Variants in ARNT2 observed in about 807,000 individuals in gnomAD.
ARNT2 encodes the protein aryl hydrocarbon receptor nuclear translocator 2.
ARNT2 carries 36 observed loss-of-function variants against 91.7 expected under a neutral mutation model. The observed-to-expected ratio is 0.39, with a 90% CI of 0.30 to 0.52. ARNT2 has a LOEUF of 0.52. Ranked by LOEUF, ARNT2 falls within the 20% of genes least tolerant of loss-of-function variation. ARNT2 has a pLI of 0.72. For synonymous variants in ARNT2, 365 were observed against 347.1 expected, an observed-to-expected ratio of 1.05 and a Z score of -0.57; for missense variants, 775 against 939.3, an observed-to-expected ratio of 0.83 and a Z score of 2.29.
At chr15:80,422,845 A>G (rs1255843529) in intron 1 of ARNT2, among the ~76,000 whole-genome samples, 2 of 152,232 alleles carry the variant, frequency 1.3e-5, no homozygotes, top group African/African-American at 4.8e-5. Context: ...TTGTATTTAT[A>G]TATGTAAGGA....
In ARNT2 at chr15:80,470,285, G is replaced by A. The variant is rs1188383521; in HGVS notation, c.262G>A (p.Asp88Asn). ...GACTCAGTACATCACGGAGCTCTCC[G>A]ACATGGTCCCCACATGCAGCGCACT... ...KMTQYITELS[D>N]MVPTCSALAR... The change falls in exon 4 of 19, where the codon GAC (aspartate) becomes AAC (asparagine). Residue 88 changes from aspartate to asparagine, a missense_variant. By Grantham distance (23) the Asp-to-Asn change is conservative (BLOSUM62 1). Transcript: ENST00000303329. 8 of 1,614,052 alleles carry A rather than the reference G, an allele frequency of 5.0e-6. No individual in the cohort carries two copies. Among genetic ancestry groups the A allele is most frequent in the Admixed American group, 1.7e-5 (1 of 60,006 alleles).
chr15:80,552,258 A>T (rs1364015229), intron 9 of ARNT2, among the ~76,000 whole-genome samples: 1 of 152,218 alleles, frequency 6.6e-6, no homozygotes, highest in African/African-American at 2.4e-5. Flanking sequence ...CTAGTTCCTT[A>T]GGCTCGTTTG....
At chr15:80,421,487 C>G (rs1212105040) in intron 1 of ARNT2, among the ~76,000 whole-genome samples, 3 of 151,938 alleles carry the variant, frequency 2.0e-5, no homozygotes, top group Non-Finnish European at 4.4e-5. Context: ...ATATTAAAAT[C>G]AATAAAAATA....
intron 8 of ARNT2, among the ~76,000 whole-genome samples, chr15:80,518,050 T>C (rs1455469577): frequency 6.6e-6 from 1 of 152,134 alleles, no homozygotes; most frequent in Non-Finnish European, 1.5e-5. Context: ...CTTGTTAGTA[T>C]GCCTTGTAAT....
At chr15:80,450,424 G>A (rs978792432) in intron 1 of ARNT2, among the ~76,000 whole-genome samples, 3 of 152,122 alleles carry the variant, frequency 2.0e-5, no homozygotes, top group African/African-American at 7.2e-5. Context: ...GCTTGAACAC[G>A]AACCTAGGGC....
At chr15:80,572,642 C>T (rs1567005430) in intron 12 of ARNT2, among the ~76,000 whole-genome samples, 1 of 152,130 alleles carries the variant, frequency 6.6e-6, no homozygotes, top group Non-Finnish European at 1.5e-5. Flanking sequence ...AGTGGGACCA[C>T]GAACGTGTCA....
rs1893278206 is a variant in ARNT2 at position 80,591,448 on chromosome 15, CA to C, written c.1919-119del. The C allele has an allele frequency of 2.3e-6, 3 of 1,287,112 alleles. No individual in the cohort carries two copies. Among genetic ancestry groups the C allele is most frequent in the Non-Finnish European group, 3.3e-6 (3 of 908,090 alleles). The allele number at this position is 1,287,112 out of a possible 1,614,324, so 79.7% of individuals were successfully genotyped here. On this transcript the variant is annotated intron_variant, in intron 17 of 18. Transcript: ENST00000303329. The surrounding 1 kb of genome is among the most constrained non-coding windows in gnomAD (Gnocchi z 5.1). ...GACGAGGATAGCAAACACATTCCGC[CA>C]GCTCTGGATGGAACGTGCCTTTCAG...
At chr15:80,437,264 C>T (rs898093216) in intron 1 of ARNT2, among the ~76,000 whole-genome samples, 4 of 152,130 alleles carry the variant, frequency 2.6e-5, no homozygotes, top group African/African-American at 9.7e-5. Context: ...TTACCTCTTG[C>T]CCCGACTTCA....
At chr15:80,493,473 C>T (rs1262224327) in intron 5 of ARNT2, among the ~76,000 whole-genome samples, 1 of 152,190 alleles carries the variant, frequency 6.6e-6, no homozygotes, top group African/African-American at 2.4e-5. Context: ...GGGCCATGCC[C>T]ACTCCTTTAC....
intron 1 of ARNT2, among the ~76,000 whole-genome samples, chr15:80,410,317 T>A (rs1389774079): frequency 6.6e-6 from 1 of 152,170 alleles, no homozygotes; most frequent in Admixed American, 6.5e-5. Flanking sequence ...GACTTCATTG[T>A]AAGGAGTTAG....
At chr15:80,515,894 G>A (rs145084326) in intron 8 of ARNT2, among the ~76,000 whole-genome samples, 1,554 of 142,762 alleles carry the variant, frequency 0.011, 20 homozygotes, top group East Asian at 0.043. Context: ...TTTTTGAGAC[G>A]GAGTTTCACT....
Position 80,593,781 on chromosome 15 carries a change from C to T in ARNT2, c.*83C>T. 2.3e-6 allele frequency: 3 copies of T among 1,282,848 alleles called. No homozygotes were observed. The highest frequency in any genetic ancestry group is 3.3e-6 in the Non-Finnish European group (3 of 920,730). 79.5% of individuals were successfully genotyped at this position (1,282,848 alleles called of 1,614,324 possible). On this transcript the variant is annotated 3_prime_UTR_variant, in exon 19 of 19. Transcript: ENST00000303329. ...CCATGTGAATGAGGCCCACCCTCGC[C>T]CTGCTTGCCCTGCCGCAGGCCCCCC...
intron 1 of ARNT2, among the ~76,000 whole-genome samples, chr15:80,424,933 A>G (rs1011718853): frequency 6.6e-6 from 1 of 152,236 alleles, no homozygotes; most frequent in Non-Finnish European, 1.5e-5. Flanking sequence ...CGTGAATTTT[A>G]TCCAGTTCCT....
At position 80,593,736 on chromosome 15, in the gene ARNT2, C is replaced by G. The variant is rs1366014766; in HGVS notation, c.*38C>G. On this transcript the variant is annotated 3_prime_UTR_variant, in exon 19 of 19. Transcript: ENST00000303329. ...TGAGGCTCCTGCTGTACAGTGCCAC[C>G]CATACTGTGATGTCGATGCCCATGT... The G allele has an allele frequency of 1.9e-6, 3 of 1,541,006 alleles. No individual in the cohort carries two copies. Among genetic ancestry groups the G allele is most frequent in the Non-Finnish European group, 2.7e-6 (3 of 1,128,648 alleles).
intron 1 of ARNT2, among the ~76,000 whole-genome samples, chr15:80,428,039 G>C (rs566767842): frequency 1.3e-5 from 2 of 152,294 alleles, no homozygotes; most frequent in South Asian, 4.1e-4. Context: ...ATCTCTATTT[G>C]TCTGTTGCAG....
intron 6 of ARNT2, among the ~76,000 whole-genome samples, chr15:80,512,352 C>G (rs1022872554): frequency 6.6e-6 from 1 of 152,182 alleles, no homozygotes. Context: ...CTCCTCCTCT[C>G]GAGGCTGAGC....
intron 2 of ARNT2, among the ~76,000 whole-genome samples, chr15:80,457,266 C>T (rs1042307990): frequency 1.3e-5 from 2 of 152,206 alleles, no homozygotes; most frequent in African/African-American, 4.8e-5. Context: ...TGGTGAGTTT[C>T]CACAAGCACA....
At chr15:80,471,241 G>A (rs989396777) in intron 4 of ARNT2, among the ~76,000 whole-genome samples, 1 of 152,356 alleles carries the variant, frequency 6.6e-6, no homozygotes, top group Non-Finnish European at 1.5e-5. Flanking sequence ...CATGGATGGA[G>A]CTGGAGGCCA....
At chr15:80,534,901 A>G (rs555427304) in intron 8 of ARNT2, among the ~76,000 whole-genome samples, 1 of 152,318 alleles carries the variant, frequency 6.6e-6, no homozygotes, top group East Asian at 1.9e-4. Flanking sequence ...CTCCTACTGT[A>G]CCTGAACCCA....
Sources: gnomAD v4.1 joint callset for allele counts (sites outside exome capture counted in the v4.1 genomes callset) on GRCh38, gnomAD v4.1.1 for gene constraint, Gnocchi (gnomAD v3.1) non-coding constraint, MANE v1.5 for transcripts, NCBI Gene and HGNC (gene_info 2026-07-23, HGNC 2026-07-21) for gene names.